The following PDE4B variants were observed in gnomAD, a reference collection of about 807,000 sequenced individuals.
The protein encoded by PDE4B is 3',5'-cyclic-AMP phosphodiesterase 4B.
PDE4B carries 20 observed loss-of-function variants against 82.2 expected under a neutral mutation model. The observed-to-expected ratio is 0.24, with a 90% CI of 0.17 to 0.35. PDE4B has a LOEUF of 0.35. Among genes scored for constraint, PDE4B ranks in the 10% least tolerant of loss-of-function variants. The pLI is 1.00. For missense variants in PDE4B, 655 were observed against 907.2 expected (o/e 0.72, Z 3.57); for synonymous variants, 320 against 318.9 (o/e 1.00, Z -0.04).
At chr1:66,019,355 T>TA (rs1652959790) in intron 3 of PDE4B, among the ~76,000 whole-genome samples, 1 of 75,076 alleles carries the variant, frequency 1.3e-5, no homozygotes, top group South Asian at 4.1e-4. Flanking sequence ...TTATTGTTAT[T>TA]CTTTTTTTTT....
At chr1:66,028,146 A>G (rs577806884) in intron 3 of PDE4B, among the ~76,000 whole-genome samples, 1 of 152,284 alleles carries the variant, frequency 6.6e-6, no homozygotes, top group South Asian at 2.1e-4. Context: ...GTGCATTTTC[A>G]TACATCTTCT....
chr1:66,139,796 T>A (rs537630084), intron 3 of PDE4B, among the ~76,000 whole-genome samples: 3 of 150,338 alleles, frequency 2.0e-5, no homozygotes, highest in African/African-American at 7.3e-5. Context: ...AAACCACATC[T>A]GCACCAGAGC....
chr1:65,949,417 T>C (rs1648880616), intron 3 of PDE4B, among the ~76,000 whole-genome samples: 1 of 152,130 alleles, frequency 6.6e-6, no homozygotes, highest in African/African-American at 2.4e-5. Context: ...TCAAAGTTAA[T>C]TGTATCAGCT....
At chr1:66,237,032 T>A (rs562554142) in intron 3 of PDE4B, among the ~76,000 whole-genome samples, 1 of 152,354 alleles carries the variant, frequency 6.6e-6, no homozygotes, top group African/African-American at 2.4e-5. Flanking sequence ...CCTGGCACAT[T>A]GTGCCCACTC....
chr1:66,210,779 T>TA (rs67425532), intron 3 of PDE4B, among the ~76,000 whole-genome samples: 17 of 151,836 alleles, frequency 1.1e-4, no homozygotes, highest in African/African-American at 3.4e-4. Context: ...CAAAGTCATA[T>TA]AAAAAAAATC....
chr1:65,925,565 T>C (rs1647453827), intron 3 of PDE4B, among the ~76,000 whole-genome samples: 1 of 152,114 alleles, frequency 6.6e-6, no homozygotes, highest in Admixed American at 6.5e-5. Context: ...CAACAACATC[T>C]ATTAGTTTTG....
chr1:65,886,876 A>T (rs767780334), intron 1 of PDE4B, among the ~76,000 whole-genome samples: 1 of 152,094 alleles, frequency 6.6e-6, no homozygotes, highest in Non-Finnish European at 1.5e-5. Flanking sequence ...TTTATTTTCC[A>T]TTGGAGAAAT....
intron 3 of PDE4B, among the ~76,000 whole-genome samples, chr1:66,203,173 G>A (rs1318625732): frequency 1.3e-5 from 2 of 151,890 alleles, no homozygotes; most frequent in Non-Finnish European, 1.5e-5. Context: ...TTGAATATTG[G>A]CCCCCACTGT....
chr1:66,106,083 A>T (rs1645347130), intron 3 of PDE4B, among the ~76,000 whole-genome samples: 2 of 152,022 alleles, frequency 1.3e-5, no homozygotes. Context: ...GGTTTGTCAT[A>T]GATAGCTCTT....
intron 3 of PDE4B, among the ~76,000 whole-genome samples, chr1:65,966,483 T>A (rs1649837485): frequency 6.6e-6 from 1 of 152,182 alleles, no homozygotes; most frequent in Non-Finnish European, 1.5e-5. Flanking sequence ...CAAAGTAATT[T>A]ACAGATTCAA....
At chr1:65,929,552 A>G (rs1647713381) in intron 3 of PDE4B, among the ~76,000 whole-genome samples, 1 of 152,198 alleles carries the variant, frequency 6.6e-6, no homozygotes, top group African/African-American at 2.4e-5. Flanking sequence ...CTTTCTCTAT[A>G]GGAAATAAGA....
chr1:66,153,595 T>C (rs539616758), intron 3 of PDE4B, among the ~76,000 whole-genome samples: 136 of 152,328 alleles, frequency 8.9e-4, no homozygotes, highest in Non-Finnish European at 1.6e-3. Flanking sequence ...TGTGCTGTGC[T>C]AGCTTCTCAG....
At chr1:65,823,070 A>G (rs960106119) in intron 1 of PDE4B, among the ~76,000 whole-genome samples, 3 of 151,954 alleles carry the variant, frequency 2.0e-5, no homozygotes, top group Non-Finnish European at 4.4e-5. Flanking sequence ...AAAAATTCTT[A>G]TTCTTCTCTC....
chr1:66,190,098 A>T (rs1221659044), intron 3 of PDE4B, among the ~76,000 whole-genome samples: 1 of 152,030 alleles, frequency 6.6e-6, no homozygotes, highest in Non-Finnish European at 1.5e-5. Flanking sequence ...CTGGAGGTCC[A>T]CTCCAGACCC....
At chr1:66,131,595 A>ATG (rs1223520515) in intron 3 of PDE4B, among the ~76,000 whole-genome samples, 1 of 53,988 alleles carries the variant, frequency 1.9e-5, no homozygotes, top group Non-Finnish European at 3.2e-5. Context: ...AATGCCAGAT[A>ATG]TATATATATA....
intron 7 of PDE4B, among the ~76,000 whole-genome samples, chr1:66,320,968 A>G (rs1017985168): frequency 1.3e-5 from 2 of 152,178 alleles, no homozygotes; most frequent in Non-Finnish European, 1.5e-5. Context: ...AGCAGAAACA[A>G]CTATTATACA....
chr1:65,807,786 C>T (rs1645771032), intron 1 of PDE4B, among the ~76,000 whole-genome samples: 1 of 152,166 alleles, frequency 6.6e-6, no homozygotes, highest in African/African-American at 2.4e-5. Flanking sequence ...AAAGCAGCTG[C>T]CCAAGTAGGG....
intron 8 of PDE4B, among the ~76,000 whole-genome samples, chr1:66,349,868 T>A (rs1273614982): frequency 6.6e-6 from 1 of 152,188 alleles, no homozygotes; most frequent in African/African-American, 2.4e-5. Flanking sequence ...TTTACTTCTT[T>A]GGGTCTTCAT....
At chr1:66,226,198 C>A (rs1651439176) in intron 3 of PDE4B, among the ~76,000 whole-genome samples, 1 of 152,100 alleles carries the variant, frequency 6.6e-6, no homozygotes. Context: ...TTTTTATTAT[C>A]TTTCTATCTC....
Sources: gnomAD v4.1 joint callset for allele counts (sites outside exome capture counted in the v4.1 genomes callset) on GRCh38, gnomAD v4.1.1 for gene constraint, MANE v1.5 for transcripts, NCBI Gene and HGNC (gene_info 2026-07-23, HGNC 2026-07-21) for gene names.